Variants in ZFAND3 observed in about 807,000 individuals in gnomAD.
ZFAND3 encodes AN1-type zinc finger protein 3.
In ZFAND3, 10 loss-of-function variants were observed where a neutral mutation model predicts 29.6. The ratio of observed to expected loss-of-function variants is 0.34; its 90% CI spans 0.21 to 0.57. The LOEUF (loss-of-function observed/expected upper bound fraction) is 0.57, where lower values mean the gene tolerates loss of function less well. Ranked by LOEUF, ZFAND3 falls within the 20% of genes least tolerant of loss-of-function variation. The pLI is 0.86. For missense variants in ZFAND3, 230 were observed against 304.5 expected, an observed-to-expected ratio of 0.76 and a Z score of 1.82; for synonymous variants, 128 against 112.6, an observed-to-expected ratio of 1.14 and a Z score of -0.87.
chr6:37,931,399 G>A (rs116134681), intron 2 of ZFAND3, among the ~76,000 whole-genome samples: 9,719 of 152,176 alleles, frequency 0.064, 432 homozygotes, highest in Non-Finnish European at 0.093. Context: ...TTTAAAATTA[G>A]CTGGATGTGG....
At chr6:37,942,786 A>G (rs1008212395) in intron 2 of ZFAND3, among the ~76,000 whole-genome samples, 1 of 152,138 alleles carries the variant, frequency 6.6e-6, no homozygotes, top group Non-Finnish European at 1.5e-5. Context: ...GAGACACTTC[A>G]TCAGTTACTT....
chr6:38,103,493 ACGTG>A (rs1457638043), intron 4 of ZFAND3, among the ~76,000 whole-genome samples: 2 of 26,230 alleles, frequency 7.6e-5, no homozygotes, highest in African/African-American at 2.2e-4. Context: ...ACATATATAC[ACGTG>A]TATATATATA....
At chr6:38,119,646 A>C (rs1473474202) in intron 5 of ZFAND3, among the ~76,000 whole-genome samples, 1 of 152,252 alleles carries the variant, frequency 6.6e-6, no homozygotes. Context: ...TGCCAATTAA[A>C]GGCAGGGAAG....
At chr6:37,822,617 G>C (rs1763686863) in intron 1 of ZFAND3, among the ~76,000 whole-genome samples, 1 of 152,186 alleles carries the variant, frequency 6.6e-6, no homozygotes, top group Non-Finnish European at 1.5e-5. Context: ...GAAGTAAACT[G>C]ACAGTTGCAA....
chr6:37,917,098 C>T (rs1054208653), intron 1 of ZFAND3, among the ~76,000 whole-genome samples: 2 of 152,028 alleles, frequency 1.3e-5, no homozygotes, highest in Non-Finnish European at 2.9e-5. Flanking sequence ...TTTACTGTGT[C>T]GGATTTATAA....
intron 1 of ZFAND3, among the ~76,000 whole-genome samples, chr6:37,927,437 G>A (rs1761505327): frequency 6.6e-6 from 1 of 152,228 alleles, no homozygotes; most frequent in Non-Finnish European, 1.5e-5. Flanking sequence ...GGCCCCTTCA[G>A]AGAAGTTGAG....
chr6:37,833,783 G>A (rs941232804), intron 1 of ZFAND3, among the ~76,000 whole-genome samples: 10 of 138,750 alleles, frequency 7.2e-5, no homozygotes, highest in East Asian at 2.2e-4. Context: ...CCAAGATTGC[G>A]CCACTGCACT....
chr6:37,985,529 C>CA (rs33984396), intron 2 of ZFAND3, among the ~76,000 whole-genome samples: 1,265 of 89,744 alleles, frequency 0.014, 15 homozygotes, highest in Non-Finnish European at 0.019. Context: ...ACACACACAC[C>CA]CCCACACACG....
chr6:37,839,402 G>A (rs1029572684), intron 1 of ZFAND3, among the ~76,000 whole-genome samples: 5 of 151,976 alleles, frequency 3.3e-5, no homozygotes, highest in African/African-American at 7.2e-5. Context: ...GGATGGTCTC[G>A]ATCTCCTGAC....
At chr6:38,090,357 TTAATG>T (rs1764840133) in intron 4 of ZFAND3, among the ~76,000 whole-genome samples, 1 of 152,206 alleles carries the variant, frequency 6.6e-6, no homozygotes, top group Non-Finnish European at 1.5e-5. Flanking sequence ...TTATTAGTGT[TTAATG>T]TAACCATTGA....
At chr6:37,828,535 AAAT>A (rs1038744293) in intron 1 of ZFAND3, among the ~76,000 whole-genome samples, 4 of 152,384 alleles carry the variant, frequency 2.6e-5, no homozygotes, top group Middle Eastern at 3.4e-3. Context: ...AACTAGCAAT[AAAT>A]AATAAAAAAT....
chr6:38,041,185 A>G (rs2201646), intron 2 of ZFAND3, among the ~76,000 whole-genome samples: 56,088 of 151,988 alleles, frequency 0.37, 11,123 homozygotes, highest in East Asian at 0.58. Flanking sequence ...CAATATCACA[A>G]AAGTAATGTG....
At chr6:37,994,384 A>G (rs538995393) in intron 2 of ZFAND3, among the ~76,000 whole-genome samples, 1 of 152,288 alleles carries the variant, frequency 6.6e-6, no homozygotes, top group South Asian at 2.1e-4. Context: ...GGGGATATTT[A>G]TGAGCAGTCT....
At chr6:37,985,217 G>C (rs1293501320) in intron 2 of ZFAND3, among the ~76,000 whole-genome samples, 1 of 152,154 alleles carries the variant, frequency 6.6e-6, no homozygotes, top group African/African-American at 2.4e-5. Flanking sequence ...CGGCTTCTTA[G>C]GAGGCTGAGA....
chr6:38,047,627 CT>C (rs1282529220), intron 2 of ZFAND3, among the ~76,000 whole-genome samples: 2 of 152,156 alleles, frequency 1.3e-5, no homozygotes, highest in African/African-American at 4.8e-5. Context: ...TACGTGACTT[CT>C]TTTAGCCAAT....
chr6:37,847,297 C>T (rs1263372756), intron 1 of ZFAND3, among the ~76,000 whole-genome samples: 3 of 151,922 alleles, frequency 2.0e-5, no homozygotes, highest in South Asian at 2.1e-4. Flanking sequence ...ATCAATCGGC[C>T]GGGTGTGGTT....
intron 2 of ZFAND3, among the ~76,000 whole-genome samples, chr6:37,933,704 G>A (rs1761638817): frequency 6.6e-6 from 1 of 152,154 alleles, no homozygotes; most frequent in South Asian, 2.1e-4. Context: ...GGCTGGATTT[G>A]CTAAAGACTC....
chr6:37,906,738 G>C (rs552707282), intron 1 of ZFAND3, among the ~76,000 whole-genome samples: 1 of 149,978 alleles, frequency 6.7e-6, no homozygotes, highest in East Asian at 1.9e-4. Flanking sequence ...AGCCACCCTA[G>C]TGTATCTTAT....
At position 38,098,902 on chromosome 6, in the gene ZFAND3, T is replaced by G. The variant is rs117104147; in HGVS notation, c.361+16445T>G. 0.018 allele frequency among the ~76,000 whole-genome samples: 2,673 copies of G among 152,270 alleles called. 248 individuals are homozygous for G. In the East Asian group the frequency reaches 0.28, roughly 16 times the overall value. On this transcript the variant is annotated intron_variant, in intron 4 of 5. Coordinates refer to ENST00000287218, the MANE Select transcript of ZFAND3 (RefSeq NM_021943.3). ...ATATATATGTGGTTTTTGTTTTTTG[T>G]TTTTTGTTTTTGTTTTTGTTTTGGT...
Sources: gnomAD v4.1 joint callset for allele counts (sites outside exome capture counted in the v4.1 genomes callset) on GRCh38, gnomAD v4.1.1 for gene constraint, MANE v1.5 for transcripts, NCBI Gene and HGNC (gene_info 2026-07-23, HGNC 2026-07-21) for gene names.